Variants in CACNA2D1 observed in about 807,000 individuals in gnomAD.
The protein encoded by CACNA2D1 is calcium voltage-gated channel auxiliary subunit alpha2delta 1.
Under a neutral mutation model 171.5 loss-of-function variants are expected in CACNA2D1, and 53 were observed. The observed-to-expected ratio is 0.31, with a 90% confidence interval of 0.25 to 0.39. The LOEUF (loss-of-function observed/expected upper bound fraction) is 0.39. CACNA2D1 is among the 10% of genes least tolerant of loss of function. The pLI is 1.00. For missense variants in CACNA2D1, 903 were observed against 1,299.8 expected, an observed-to-expected ratio of 0.69 and a Z score of 4.69; for synonymous variants, 442 against 443.1, an observed-to-expected ratio of 1.00 and a Z score of 0.03.
intron 12 of CACNA2D1, chr7:82,029,659 A>G (rs1265945066): frequency 2.0e-5 from 3 of 151,814 alleles, no homozygotes; most frequent in African/African-American, 7.2e-5. Context: ...AAAGCTATAT[A>G]CATGGTTCCT....
intron 7 of CACNA2D1, among the ~76,000 whole-genome samples, chr7:82,074,262 T>A (rs1362910174): frequency 6.6e-6 from 1 of 152,184 alleles, no homozygotes; most frequent in African/African-American, 2.4e-5. Flanking sequence ...AGTCTCAGTC[T>A]GTTGCCTAGG....
chr7:82,230,688 C>T (rs937105985), intron 3 of CACNA2D1, among the ~76,000 whole-genome samples: 8 of 152,078 alleles, frequency 5.3e-5, no homozygotes, highest in African/African-American at 1.9e-4. Context: ...GTTTATCCTA[C>T]AAAAAACCAA....
chr7:82,335,301 C>T, intron 2 of CACNA2D1, 50 bp from the exon 3 acceptor site: 1 of 1,039,788 alleles, frequency 9.6e-7, no homozygotes, highest in Non-Finnish European at 1.5e-6. Context: ...ACTTATTTGG[C>T]TTACAAGTTC....
At chr7:82,153,679 A>G (rs1794077610) in intron 4 of CACNA2D1, among the ~76,000 whole-genome samples, 1 of 152,098 alleles carries the variant, frequency 6.6e-6, no homozygotes, top group African/African-American at 2.4e-5. Context: ...CTACTTCTTG[A>G]TGTTTAATTG....
Position 81,950,453 on chromosome 7 carries a change from A to G in CACNA2D1, c.3215T>C (p.Ile1072Thr). 1 of 1,613,384 alleles carries G rather than the reference A, an allele frequency of 6.2e-7. No homozygotes were observed. Among genetic ancestry groups the G allele is most frequent in the Non-Finnish European group, 8.5e-7 (1 of 1,179,638 alleles). ...AAGTAGTAGAAACTGGATTCCAATGATATACCACAGGGAGGGATTTAATCC... is the reference window on the plus strand; with the variant it reads ...AAGTAGTAGAAACTGGATTCCAATGGTATACCACAGGGAGGGATTTAATCC... ...VSGLNPSLWY[I>T]IGIQFLLLWL... is the part of the protein sequence containing the mutation. The change falls in exon 39 of 39, where the codon ATC (isoleucine) becomes ACC (threonine). Residue 1072 changes from isoleucine (I) to threonine (T), a missense_variant. Physicochemically the swap from Ile to Thr is moderately conservative, Grantham distance 89. Around this residue, in one of 5 missense-constraint regions of CACNA2D1, gnomAD observed 38 missense variants for 29.2 expected, o/e 1.30. Transcript: ENST00000356860.
chr7:82,105,969 A>AT (rs901780560), intron 6 of CACNA2D1, among the ~76,000 whole-genome samples: 28 of 152,254 alleles, frequency 1.8e-4, no homozygotes, highest in African/African-American at 6.5e-4. Context: ...CTCAGGTAGT[A>AT]TTTTTTTAAA....
At chr7:82,132,604 C>T (rs190081251) in intron 5 of CACNA2D1, among the ~76,000 whole-genome samples, 6 of 152,068 alleles carry the variant, frequency 3.9e-5, no homozygotes, top group Admixed American at 6.6e-5. Flanking sequence ...ATTGGAACAC[C>T]GATCTTGGAG....
intron 3 of CACNA2D1, among the ~76,000 whole-genome samples, chr7:82,288,623 T>C (rs1282766377): frequency 2.0e-5 from 3 of 152,212 alleles, no homozygotes; most frequent in African/African-American, 7.2e-5. Context: ...AGGAATCTGA[T>C]GCTAATTGAG....
intron 24 of CACNA2D1, among the ~76,000 whole-genome samples, chr7:81,981,129 C>T (rs943335893): frequency 6.6e-6 from 1 of 152,124 alleles, no homozygotes; most frequent in African/African-American, 2.4e-5. Flanking sequence ...AATTATGAAC[C>T]TAACCTGTAG....
At chr7:82,273,217 C>T (rs1230574799) in intron 3 of CACNA2D1, among the ~76,000 whole-genome samples, 1 of 151,950 alleles carries the variant, frequency 6.6e-6, no homozygotes, top group African/African-American at 2.4e-5. Flanking sequence ...GATAATCTGG[C>T]AAGCTCTATT....
At chr7:82,407,827 C>T (rs947314821) in intron 1 of CACNA2D1, among the ~76,000 whole-genome samples, 1 of 151,954 alleles carries the variant, frequency 6.6e-6, no homozygotes, top group South Asian at 2.1e-4. Flanking sequence ...TTCTATTGAA[C>T]TGATATAGCC....
chr7:82,234,086 T>C (rs577042047), intron 3 of CACNA2D1, among the ~76,000 whole-genome samples: 21 of 152,256 alleles, frequency 1.4e-4, no homozygotes, highest in African/African-American at 4.6e-4. Context: ...CTTTAATCCT[T>C]ATGTAGAACA....
At chr7:81,967,818 C>G (rs1794869238) in intron 29 of CACNA2D1, among the ~76,000 whole-genome samples, 155 bp from the exon 30 acceptor site, 2 of 151,490 alleles carry the variant, frequency 1.3e-5, no homozygotes, top group Admixed American at 1.3e-4. Context: ...AGCTCTTAAA[C>G]TATTACATAA....
intron 3 of CACNA2D1, among the ~76,000 whole-genome samples, chr7:82,191,074 G>A (rs1798245305): frequency 6.6e-6 from 1 of 151,606 alleles, no homozygotes; most frequent in South Asian, 2.1e-4. Flanking sequence ...TCTATAATCT[G>A]TAAAGATTTT....
At chr7:82,179,648 GAATA>G (rs1405947771) in intron 3 of CACNA2D1, among the ~76,000 whole-genome samples, 3 of 152,020 alleles carry the variant, frequency 2.0e-5, no homozygotes, top group Non-Finnish European at 4.4e-5. Context: ...TTACTACCAT[GAATA>G]ACTAAGGAAG....
chr7:82,167,811 A>G (rs1477793542), intron 4 of CACNA2D1, among the ~76,000 whole-genome samples: 1 of 152,084 alleles, frequency 6.6e-6, no homozygotes, highest in African/African-American at 2.4e-5. Context: ...GGCCCTAAAT[A>G]AATTGTGAGG....
chr7:82,282,450 G>A (rs942425533), intron 3 of CACNA2D1, among the ~76,000 whole-genome samples: 11 of 152,176 alleles, frequency 7.2e-5, no homozygotes, highest in South Asian at 2.1e-4. Flanking sequence ...TGTGAAAGTT[G>A]TAACTGATGC....
chr7:82,383,710 C>T (rs1200433367), intron 1 of CACNA2D1, among the ~76,000 whole-genome samples: 1 of 152,180 alleles, frequency 6.6e-6, no homozygotes, highest in Non-Finnish European at 1.5e-5. Flanking sequence ...GCCAGGCACC[C>T]ACCTCCACAG....
chr7:82,007,348 C>T (rs1413673116), intron 16 of CACNA2D1, among the ~76,000 whole-genome samples: 1 of 152,096 alleles, frequency 6.6e-6, no homozygotes, highest in Non-Finnish European at 1.5e-5. Context: ...TCTTTCTAAA[C>T]TCCATTAATA....
Sources: allele counts gnomAD v4.1 joint callset (sites outside exome capture counted in the v4.1 genomes callset), GRCh38; gene constraint gnomAD v4.1.1; regional missense constraint gnomAD v4.1.1; transcripts MANE v1.5; gene names NCBI Gene and HGNC (gene_info 2026-07-23, HGNC 2026-07-21).